Variants in RSPH10B2 observed in about 807,000 individuals in gnomAD.
The protein encoded by RSPH10B2 is radial spoke head 10 homolog B2, also known as radial spoke head 10 homolog B2 (Chlamydomonas).
Under a neutral mutation model 49.0 loss-of-function variants are expected in RSPH10B2, and 9 were observed. The ratio of observed to expected loss-of-function variants is 0.18; its 90% CI spans 0.11 to 0.32. The LOEUF (loss-of-function observed/expected upper bound fraction) is 0.32. Ranked by LOEUF, RSPH10B2 falls within the 10% of genes least tolerant of loss-of-function variation. RSPH10B2 has a pLI of 1.00. For synonymous variants in RSPH10B2, 35 were observed against 210.2 expected (o/e 0.17, Z 7.21); for missense variants, 95 against 589.9 (o/e 0.16, Z 8.69).
intron 4 of RSPH10B2, among the ~76,000 whole-genome samples, chr7:6,764,564 T>C (rs1781388974): frequency 6.7e-6 from 1 of 148,670 alleles, no homozygotes; most frequent in Non-Finnish European, 1.5e-5. Context: ...TTTCGCCATG[T>C]TGGCCAGGGT....
At chr7:6,770,877 C>T (rs1319041181) in intron 7 of RSPH10B2, among the ~76,000 whole-genome samples, 1 of 149,490 alleles carries the variant, frequency 6.7e-6, no homozygotes, top group Non-Finnish European at 1.5e-5. Context: ...TGCACTCCAG[C>T]CTGGGCACAG....
intron 13 of RSPH10B2, among the ~76,000 whole-genome samples, chr7:6,783,037 A>C (rs1193403111): frequency 7.9e-6 from 1 of 127,196 alleles, no homozygotes; most frequent in African/African-American, 3.0e-5. Context: ...GTTCCATGAT[A>C]CTTTTTTTTT....
In RSPH10B2 at chr7:6,783,296, CT is replaced by C. The variant is rs1259639239; in HGVS notation, c.1758+1821del. On this transcript the variant is annotated intron_variant, in intron 13 of 18. Coordinates refer to ENST00000297186, the Ensembl canonical transcript of RSPH10B2. Reference sequence around the variant, plus strand: ...CCGCCCGTGTCGGACTCCCAAAGTGCTGGGATTACAGGCGTGAGCCACTGTG... The same window carrying C: ...CCGCCCGTGTCGGACTCCCAAAGTGCGGGATTACAGGCGTGAGCCACTGTG... Among the ~76,000 whole-genome samples, 2 of 116,630 alleles carry C rather than the reference CT, an allele frequency of 1.7e-5. 1 individual carries two copies. Among genetic ancestry groups the C allele is most frequent in the East Asian group, 5.2e-4 (2 of 3,856 alleles). 76.5% of individuals were successfully genotyped at this position (116,630 alleles called of 152,430 possible).
chr7:6,764,312 A>T (rs1237014636), intron 4 of RSPH10B2, among the ~76,000 whole-genome samples: 1 of 147,782 alleles, frequency 6.8e-6, no homozygotes, highest in African/African-American at 2.5e-5. Flanking sequence ...GGGCATATTC[A>T]CTTTTTGTTT....
chr7:6,784,787 G>A (rs1782080803), intron 13 of RSPH10B2, among the ~76,000 whole-genome samples: 2 of 119,644 alleles, frequency 1.7e-5, no homozygotes, highest in South Asian at 3.6e-4. Flanking sequence ...AGGATGGTCT[G>A]GATCTCTTGA....
intron 4 of RSPH10B2, among the ~76,000 whole-genome samples, chr7:6,764,508 G>C (rs1465446828): frequency 6.7e-6 from 1 of 150,102 alleles, no homozygotes. Flanking sequence ...CTACAGGTGT[G>C]CACCACCACG....
At chr7:6,781,130 C>T (rs1326782324) in intron 12 of RSPH10B2, among the ~76,000 whole-genome samples, 198 bp from the exon 15 acceptor site, 1 of 113,572 alleles carries the variant, frequency 8.8e-6, no homozygotes, top group African/African-American at 3.4e-5. Context: ...CCTAGCTACT[C>T]GGGAGGCTGA....
chr7:6,790,226 TG>T (rs1782265290), intron 16 of RSPH10B2, among the ~76,000 whole-genome samples: 1 of 131,944 alleles, frequency 7.6e-6, no homozygotes, highest in Admixed American at 7.2e-5. Flanking sequence ...GTGAGTGGGA[TG>T]GGATGGGACA....
chr7:6,768,339 A>C (rs1464150169), intron 6 of RSPH10B2, among the ~76,000 whole-genome samples: 1 of 152,304 alleles, frequency 6.6e-6, no homozygotes, highest in South Asian at 2.1e-4. Flanking sequence ...ACTGCTTTAT[A>C]TCTAACCTGA....
At chr7:6,796,270 C>T (rs1262597368) in intron 17 of RSPH10B2, among the ~76,000 whole-genome samples, 21 of 114,616 alleles carry the variant, frequency 1.8e-4, no homozygotes, top group African/African-American at 5.9e-4. Flanking sequence ...GCAGAGATCA[C>T]GCCACTGCAC....
At chr7:6,752,222 G>GGTCGCAAAATGCTGTC (rs1780904970), upstream of RSPH10B2, among the ~76,000 whole-genome samples, 1 of 148,564 alleles carries the variant, frequency 6.7e-6, no homozygotes, top group Non-Finnish European at 1.5e-5. Context: ...GTGCGGCCAA[G>GGTCGCAAAATGCTGTC]GTCGCAAAAT....
At chr7:6,752,587 TG>T (rs376044556), upstream of RSPH10B2, among the ~76,000 whole-genome samples, 22,244 of 119,234 alleles carry the variant, frequency 0.19, 1,755 homozygotes, top group African/African-American at 0.32. Context: ...GGCACTGTGC[TG>T]GCGTGGTCTG....
intron 6 of RSPH10B2, among the ~76,000 whole-genome samples, chr7:6,767,221 C>T (rs1262179515): frequency 7.0e-5 from 1 of 14,204 alleles, no homozygotes; most frequent in Non-Finnish European, 1.8e-4. Flanking sequence ...GTGATCCGCG[C>T]GCCTCAGCCT....
At chr7:6,785,184 TG>T in intron 13 of RSPH10B2, among the ~76,000 whole-genome samples, 1 of 105,332 alleles carries the variant, frequency 9.5e-6, no homozygotes, top group African/African-American at 3.6e-5. Context: ...TGTGTGTGTG[TG>T]TGTGTGTTTG....
chr7:6,761,523 G>A (rs1218288888), intron 3 of RSPH10B2: 2 of 146,964 alleles, frequency 1.4e-5, no homozygotes, highest in African/African-American at 2.5e-5. Flanking sequence ...CCCTTCCCAC[G>A]CGACATCCCG....
rs184391220 is a variant in RSPH10B2 at position 6,795,955 on chromosome 7, G to C, written c.2234-613G>C. On this transcript the variant is annotated intron_variant, in intron 17 of 18. Transcript: ENST00000297186. ...TTTAAAAAAAAAAAGAAAAAAGCAAGAGAAACGAGTTTTTTTATTCTTGAA... is the reference window on the plus strand; with the variant it reads ...TTTAAAAAAAAAAAGAAAAAAGCAACAGAAACGAGTTTTTTTATTCTTGAA... Among the ~76,000 whole-genome samples, 249 of 145,794 alleles carry C rather than the reference G, an allele frequency of 1.7e-3. 9 individuals are homozygous for C. Among genetic ancestry groups the C allele is most frequent in the African/African-American group, 6.1e-3 (240 of 39,552 alleles).
chr7:6,767,890 C>T (rs1422183410), intron 6 of RSPH10B2, among the ~76,000 whole-genome samples: 3 of 84,978 alleles, frequency 3.5e-5, no homozygotes, highest in African/African-American at 1.7e-4. Flanking sequence ...CCCAGCCCAA[C>T]TGGTATCTTT....
At chr7:6,797,601 C>T (rs1296081973) in intron 18 of RSPH10B2, among the ~76,000 whole-genome samples, 9 of 152,378 alleles carry the variant, frequency 5.9e-5, no homozygotes, top group Non-Finnish European at 8.8e-5. Flanking sequence ...TGGCACATGC[C>T]GGTAACCCCA....
intron 8 of RSPH10B2, 112 bp downstream of exon 10, chr7:6,771,803 G>GC (rs1212344892): frequency 2.3e-5 from 2 of 88,616 alleles, no homozygotes; most frequent in African/African-American, 7.7e-5. Flanking sequence ...GGTCAGCAGT[G>GC]CGAGACCAGC....
Sources: allele counts gnomAD v4.1 joint callset (sites outside exome capture counted in the v4.1 genomes callset), GRCh38; gene constraint gnomAD v4.1.1; transcripts MANE v1.5; gene names NCBI Gene and HGNC (gene_info 2026-07-23, HGNC 2026-07-21).